Variants in ENG observed in about 807,000 individuals in gnomAD.
The protein encoded by ENG is endoglin.
In ENG, 17 loss-of-function variants were observed where a neutral mutation model predicts 71.0. The ratio of observed to expected loss-of-function variants is 0.24; its 90% CI spans 0.16 to 0.36. ENG has a LOEUF of 0.36. Among genes scored for constraint, ENG ranks in the 10% least tolerant of loss-of-function variants. The pLI is 1.00. For synonymous variants in ENG, 360 were observed against 366.9 expected (o/e 0.98, Z 0.21); for missense variants, 749 against 868.3 (o/e 0.86, Z 1.73).
chr9:127,842,633 C>A (rs1201183337), intron 2 of ENG, among the ~76,000 whole-genome samples: 1 of 152,074 alleles, frequency 6.6e-6, no homozygotes, highest in Non-Finnish European at 1.5e-5. Context: ...CCATGTTGGC[C>A]AGAATGGTCT....
intron 1 of ENG, among the ~76,000 whole-genome samples, chr9:127,849,337 AT>A (rs1436684333): frequency 6.6e-6 from 1 of 152,218 alleles, no homozygotes; most frequent in East Asian, 1.9e-4. Flanking sequence ...TGCTGAGAAG[AT>A]TAAATTTATG....
intron 2 of ENG, 85 bp from the exon 3 acceptor site, chr9:127,829,912 G>C: frequency 6.3e-7 from 1 of 1,584,844 alleles, no homozygotes; most frequent in African/African-American, 1.3e-5. Context: ...TGATTTGGAT[G>C]CTTCCACTCC....
chr9:127,829,866 G>C, intron 2 of ENG, 39 bp from the exon 3 acceptor site: 2 of 1,612,790 alleles, frequency 1.2e-6, no homozygotes, highest in Non-Finnish European at 8.5e-7. Flanking sequence ...AGTCCAGTCA[G>C]ATTTGTATAG....
rs771599199 is a variant in ENG, at chr9:127,820,037, G to T, written c.1135C>A (p.His379Asn). ...AGGCCCGTGATGGTGCACTTCAAAT[G>T]CTGGGTCGGAAGAGAGGGGCACCAT... ...TLVLKKELVA[H>N]LKCTITGLTF... Residue 379 changes from histidine (H) to asparagine (N), a missense_variant and splice_region_variant, in exon 9 of 15, where the codon CAT becomes AAT. Physicochemically the swap from His to Asn is moderately conservative, Grantham distance 68 (BLOSUM62 1). Coordinates refer to ENST00000373203, the MANE Select transcript of ENG (RefSeq NM_001114753.3). 1 of 1,613,734 alleles carries T rather than the reference G, an allele frequency of 6.2e-7. No individual in the cohort carries two copies. Among genetic ancestry groups the T allele is most frequent in the African/African-American group, 1.3e-5 (1 of 75,042 alleles).
chr9:127,830,440 C>T (rs568071502), intron 2 of ENG, among the ~76,000 whole-genome samples: 3 of 150,264 alleles, frequency 2.0e-5, no homozygotes, highest in South Asian at 2.1e-4. Flanking sequence ...GTCAGGAGTT[C>T]GAGACTAGTC....
At chr9:127,816,343 C>T (rs928651633) in intron 13 of ENG, 17 of 504,408 alleles carry the variant, frequency 3.4e-5, no homozygotes, top group Admixed American at 2.9e-4. Context: ...GATGGGGTAA[C>T]GTGAGGAAAC....
At chr9:127,817,343 G>A in intron 12 of ENG, 140 bp from the exon 13 acceptor site, 2 of 818,938 alleles carry the variant, frequency 2.4e-6, no homozygotes, top group South Asian at 2.9e-5. Flanking sequence ...GATGCCTCTG[G>A]GTGAGTCCTG....
intron 1 of ENG, among the ~76,000 whole-genome samples, chr9:127,853,008 G>T (rs1185670599): frequency 6.6e-6 from 1 of 152,118 alleles, no homozygotes; most frequent in Non-Finnish European, 1.5e-5. Flanking sequence ...AACTTGGCAG[G>T]TTAGAGCCTC....
At chr9:127,828,102 G>A (rs1830669627) in intron 3 of ENG, among the ~76,000 whole-genome samples, 1 of 149,994 alleles carries the variant, frequency 6.7e-6, no homozygotes, top group African/African-American at 2.5e-5. Context: ...AAGCCAGGTC[G>A]CCTGGCCCAA....
At chr9:127,852,330 A>G (rs1376929228) in intron 1 of ENG, among the ~76,000 whole-genome samples, 2 of 152,090 alleles carry the variant, frequency 1.3e-5, no homozygotes, top group African/African-American at 4.8e-5. Context: ...GGTGCCCCCA[A>G]ATTCTAGACC....
chr9:127,838,505 G>A lies in ENG; in HGVS notation c.219+4589C>T, dbSNP rs1830955397. Among the ~76,000 whole-genome samples the A allele has an allele frequency of 6.6e-6, 1 of 152,156 alleles. No homozygotes were observed. The highest frequency in any genetic ancestry group is 1.5e-5 in the Non-Finnish European group (1 of 68,026). On this transcript the variant is annotated intron_variant, in intron 2 of 14. Transcript: ENST00000373203. This position sits in a 1 kb window ranked among gnomAD's most constrained non-coding sequence, Gnocchi z 4.3. ...TCTCTCTCTCTGCCTGAGTGGTGTT[G>A]CCTGCCCCTCTGGTCAAGAGTGAGT...
intron 8 of ENG, among the ~76,000 whole-genome samples, chr9:127,821,901 AAAG>A (rs1657101056): frequency 7.0e-6 from 1 of 142,844 alleles, no homozygotes; most frequent in African/African-American, 2.8e-5. Context: ...AAAAAAAAAA[AAAG>A]CCAGGCGTGG....
At chr9:127,816,513 C>G (rs1830320282) in intron 13 of ENG, 1 of 280,508 alleles carries the variant, frequency 3.6e-6, no homozygotes, top group South Asian at 4.0e-5. Context: ...CCTCCACATT[C>G]CTGACTCCTG....
intron 2 of ENG, among the ~76,000 whole-genome samples, chr9:127,837,197 G>A (rs569777346): frequency 9.9e-5 from 15 of 152,190 alleles, no homozygotes; most frequent in African/African-American, 3.6e-4. Context: ...GTGGGCTGCA[G>A]CTGGTGAGAA....
Position 127,818,223 on chromosome 9 carries a change from G to A in ENG, c.1583C>T (p.Pro528Leu), listed in dbSNP as rs779916731. 15 of 1,614,048 alleles carry A rather than the reference G, an allele frequency of 9.3e-6. No individual in the cohort carries two copies. Among genetic ancestry groups the A allele is most frequent in the African/African-American group, 2.7e-5 (2 of 74,920 alleles). Residue 528 changes from proline (P) to leucine (L), a missense_variant, in exon 12 of 15, where the codon CCG becomes CTG. Pro to Leu is a moderately conservative substitution (Grantham distance 98, BLOSUM62 -3). Transcript: ENST00000373203. ...GAAGTGGAGGAGGAAGCTGAAGCGC[G>A]GGTCACCCTCGGGGCTTGGGGACAG... ...SLLSPSPEGDPRFSFLLHFYT... is the reference protein window; with the variant it reads ...SLLSPSPEGDLRFSFLLHFYT...
chr9:127,819,313 C>A (rs1415806182), intron 10 of ENG: 2 of 420,854 alleles, frequency 4.8e-6, no homozygotes, highest in Non-Finnish European at 8.9e-6. Flanking sequence ...CCACACAGCA[C>A]CTCATTGGCT....
chr9:127,831,199 T>C (rs1830756329), intron 2 of ENG, among the ~76,000 whole-genome samples: 1 of 151,358 alleles, frequency 6.6e-6, no homozygotes, highest in South Asian at 2.1e-4. Context: ...CTCCCTCTGT[T>C]GTCCAGACTG....
At chr9:127,840,803 A>G (rs547636772) in intron 2 of ENG, among the ~76,000 whole-genome samples, 79 of 152,320 alleles carry the variant, frequency 5.2e-4, no homozygotes, top group African/African-American at 1.4e-3. Flanking sequence ...TTGAATTAAA[A>G]GTTGGAAGCT....
At position 127,825,267 on chromosome 9, in the gene ENG, G is replaced by A. The variant is rs1797752878; in HGVS notation, c.780C>T (p.Ser260=). The A allele has an allele frequency of 6.2e-7, 1 of 1,612,716 alleles. No homozygotes were observed. The highest frequency in any genetic ancestry group is 1.3e-5 in the African/African-American group (1 of 74,600). The change falls in exon 6 of 15, where the codon TCC becomes TCT. Residue 260 remains serine (S), a synonymous_variant. Coordinates refer to ENST00000373203, the MANE Select transcript of ENG (RefSeq NM_001114753.3). ...TGTTGTGGTTGGCGTCGATGAGCCA[G>A]GACACGTAGGGGGGACCCTGCAGGA... The part of the protein sequence containing the change: ...VLILQGPPYV[S]WLIDANHNMQ...
Sources: gnomAD v4.1 joint callset for allele counts (sites outside exome capture counted in the v4.1 genomes callset) on GRCh38, gnomAD v4.1.1 for gene constraint, Gnocchi (gnomAD v3.1) non-coding constraint, MANE v1.5 for transcripts, NCBI Gene and HGNC (gene_info 2026-07-23, HGNC 2026-07-21) for gene names.